Variants in DOCK5 observed in about 807,000 individuals in gnomAD.
The protein encoded by DOCK5 is dedicator of cytokinesis 5, also known as dedicator of cytokinesis protein 5.
DOCK5 carries 142 observed loss-of-function variants against 251.8 expected under a neutral mutation model. That is an observed-to-expected ratio of 0.56 (90% CI 0.49 to 0.65). DOCK5 has a LOEUF of 0.65. DOCK5 is among the 30% of genes least tolerant of loss of function. The probability of loss-of-function intolerance (pLI) is 0.00; values close to 1 mark genes in which losing one functional copy is unlikely to be tolerated. For missense variants in DOCK5, 2,111 were observed against 2,312.3 expected (o/e 0.91, Z 1.79); for synonymous variants, 842 against 835.5 (o/e 1.01, Z -0.13).
intron 45 of DOCK5, among the ~76,000 whole-genome samples, chr8:25,396,672 C>T (rs190158804): frequency 2.0e-5 from 3 of 152,030 alleles, no homozygotes; most frequent in Non-Finnish European, 4.4e-5. Context: ...TTGTCAAGGA[C>T]GCCCCTGTGG....
At chr8:25,280,381 A>G (rs2117132429) in intron 5 of DOCK5, among the ~76,000 whole-genome samples, 1 of 152,330 alleles carries the variant, frequency 6.6e-6, no homozygotes, top group East Asian at 1.9e-4. Flanking sequence ...TAGACCCTAA[A>G]TACTGAAGGC....
chr8:25,410,017 G>A, intron 50 of DOCK5, 82 bp from the exon 51 acceptor site: 1 of 1,152,042 alleles, frequency 8.7e-7, no homozygotes, highest in South Asian at 1.4e-5. Flanking sequence ...GGTTGGCTTA[G>A]GTGTTACAGT....
chr8:25,309,511 A>G (rs1805034129), intron 12 of DOCK5, among the ~76,000 whole-genome samples: 3 of 152,096 alleles, frequency 2.0e-5, no homozygotes, highest in South Asian at 4.1e-4. Context: ...CTTCATTCCC[A>G]ATGTCGACCC....
Position 25,395,729 on chromosome 8 carries a change from G to A in DOCK5, c.4704+10G>A. 2 of 1,612,032 alleles carry A rather than the reference G, an allele frequency of 1.2e-6. No individual in the cohort carries two copies. The highest frequency in any genetic ancestry group is 1.6e-4 in the Middle Eastern group (1 of 6,062). The stretch of plus-strand genomic sequence containing the variant: ...CTCCAACTATGAAAAGGTTCGCTTG[G>A]TCCCAGAATCCCCTAGGGATTCACA... On this transcript the variant is annotated intron_variant, in intron 45 of 51. Coordinates refer to ENST00000276440, the MANE Select transcript of DOCK5 (RefSeq NM_024940.8).
In DOCK5 at chr8:25,310,509, G is replaced by A. The variant is rs201163570; in HGVS notation, c.1295G>A (p.Gly432Asp). 114 of 1,612,028 alleles carry A rather than the reference G, an allele frequency of 7.1e-5. No homozygotes were observed. The highest frequency in any genetic ancestry group is 9.2e-5 in the Non-Finnish European group (109 of 1,179,158). ...DRSTAIARKM[G>D]FPEIILPGDV... ...TCAACAGCAATAGCCCGGAAGATGGGCTTTCCTGAAATCATACTGCCAGGT... is the reference window on the plus strand; with the variant it reads ...TCAACAGCAATAGCCCGGAAGATGGACTTTCCTGAAATCATACTGCCAGGT... The change falls in exon 13 of 52, where the codon GGC becomes GAC. Residue 432 changes from glycine (G) to aspartate (D), a missense_variant. Around this residue, in one of 3 missense-constraint regions of DOCK5, gnomAD observed 1,717 missense variants for 1,892.4 expected, o/e 0.91. Transcript: ENST00000276440.
intron 1 of DOCK5, among the ~76,000 whole-genome samples, chr8:25,216,083 A>G (rs1186750313): frequency 6.6e-6 from 1 of 151,604 alleles, no homozygotes; most frequent in Non-Finnish European, 1.5e-5. Flanking sequence ...CGTGTATACA[A>G]CATATGTACA....
At chr8:25,279,029 TA>T (rs1804117697) in intron 5 of DOCK5, among the ~76,000 whole-genome samples, 1 of 152,226 alleles carries the variant, frequency 6.6e-6, no homozygotes. Flanking sequence ...AATTTGTTAA[TA>T]AGGAACCTGA....
intron 44 of DOCK5, among the ~76,000 whole-genome samples, chr8:25,395,231 C>G (rs1031817468): frequency 6.6e-6 from 1 of 152,024 alleles, no homozygotes; most frequent in Non-Finnish European, 1.5e-5. Flanking sequence ...TCTGATACCA[C>G]CACTGATCTG....
At chr8:25,302,588 T>C (rs1436759416) in intron 10 of DOCK5, 134 bp downstream of exon 10, 6 of 1,229,484 alleles carry the variant, frequency 4.9e-6, no homozygotes, top group Non-Finnish European at 6.6e-6. Context: ...AAAAGCAAGG[T>C]CTGGAGGAGA....
Position 25,254,792 on chromosome 8 carries a change from AC to A in DOCK5, c.127+11036del, listed in dbSNP as rs67108231. ...TTGTCTCAAAAAAAAACAAAACAAA[AC>A]AAAAAAAAAAAACATTTGATAAAGG... On this transcript the variant is annotated intron_variant, in intron 2 of 51. Coordinates refer to ENST00000276440, the MANE Select transcript of DOCK5 (RefSeq NM_024940.8). Among the ~76,000 whole-genome samples the A allele has an allele frequency of 7.8e-4, 105 of 134,616 alleles. 21 individuals are homozygous for A. Among genetic ancestry groups the A allele is most frequent in the South Asian group, 1.6e-3 (7 of 4,392 alleles). The allele number at this position is 134,616 out of a possible 152,430, so 88.3% of individuals were successfully genotyped here.
At position 25,372,711 on chromosome 8, in the gene DOCK5, A is replaced by G; in HGVS notation, c.3677A>G (p.Asn1226Ser). Residue 1226 changes from asparagine (N) to serine (S), a missense_variant, in exon 35 of 52, where the codon AAC becomes AGC. Around this residue, in one of 3 missense-constraint regions of DOCK5, gnomAD observed 1,717 missense variants for 1,892.4 expected, o/e 0.91. Coordinates refer to ENST00000276440, the MANE Select transcript of DOCK5 (RefSeq NM_024940.8). Reference sequence around the variant, plus strand: ...GAGAACCGTATGAGCTGCACTGTGAACGTGCTGGTATGTGACATGCCTCCG... The same window carrying G: ...GAGAACCGTATGAGCTGCACTGTGAGCGTGCTGGTATGTGACATGCCTCCG... ...SKENRMSCTV[N>S]VLNFYKEKKR... is the part of the protein sequence containing the mutation. 1 of 1,610,224 alleles carries G rather than the reference A, an allele frequency of 6.2e-7. No individual in the cohort carries two copies. Among genetic ancestry groups the G allele is most frequent in the Non-Finnish European group, 8.5e-7 (1 of 1,178,340 alleles).
At chr8:25,383,841 C>T (rs1010781359) in intron 40 of DOCK5, among the ~76,000 whole-genome samples, 2 of 152,136 alleles carry the variant, frequency 1.3e-5, no homozygotes, top group East Asian at 1.9e-4. Context: ...GGTGACAGAG[C>T]GAGACTCCAT....
intron 38 of DOCK5, among the ~76,000 whole-genome samples, chr8:25,378,842 A>G (rs943145590): frequency 4.6e-5 from 7 of 152,202 alleles, no homozygotes; most frequent in South Asian, 2.1e-4. Flanking sequence ...TCTATTTTCC[A>G]TAAGTGTTGG....
chr8:25,286,783 C>T lies in DOCK5; in HGVS notation c.322-5241C>T, dbSNP rs561496803. On this transcript the variant is annotated intron_variant, in intron 5 of 51. Transcript: ENST00000276440. The stretch of plus-strand genomic sequence containing the variant: ...GGCTCAAGCAATCCTCCCACCTCAG[C>T]CTCCTTGGTAGCTGGGACCACAGGC... Among the ~76,000 whole-genome samples, 15 of 152,240 alleles carry T rather than the reference C, an allele frequency of 9.9e-5. No individual in the cohort carries two copies. In the South Asian group the frequency reaches 3.1e-3, roughly 32 times the overall value.
At chr8:25,302,228 C>T (rs73216266) in intron 9 of DOCK5, 97 bp from the exon 10 acceptor site, 23,065 of 1,428,510 alleles carry the variant, frequency 0.016, 232 homozygotes, top group Non-Finnish European at 0.019. Context: ...GAAATAAGGT[C>T]GGAACAGGAT....
intron 38 of DOCK5, among the ~76,000 whole-genome samples, chr8:25,377,748 G>A (rs1488003777): frequency 6.6e-6 from 1 of 152,158 alleles, no homozygotes; most frequent in Admixed American, 6.5e-5. Context: ...ACTGGGGCCA[G>A]CCACATGAAG....
intron 28 of DOCK5, among the ~76,000 whole-genome samples, chr8:25,361,703 G>A (rs895663597): frequency 6.6e-6 from 1 of 152,136 alleles, no homozygotes; most frequent in Non-Finnish European, 1.5e-5. Flanking sequence ...CTGAGGGTGG[G>A]TATGTCTAAC....
intron 7 of DOCK5, among the ~76,000 whole-genome samples, chr8:25,298,224 T>C (rs1433422344): frequency 2.6e-5 from 4 of 152,216 alleles, no homozygotes; most frequent in Non-Finnish European, 5.9e-5. Flanking sequence ...AGCATGGTCA[T>C]GATAATATTT....
At chr8:25,228,850 A>G (rs1244646205) in intron 1 of DOCK5, among the ~76,000 whole-genome samples, 2 of 152,150 alleles carry the variant, frequency 1.3e-5, no homozygotes, top group Admixed American at 6.5e-5. Context: ...TATTTAGAGA[A>G]TTGAACTCTT....
Sources: gnomAD v4.1 joint callset for allele counts (sites outside exome capture counted in the v4.1 genomes callset) on GRCh38, gnomAD v4.1.1 for gene constraint, gnomAD v4.1.1 regional missense constraint, MANE v1.5 for transcripts, NCBI Gene and HGNC (gene_info 2026-07-23, HGNC 2026-07-21) for gene names.